The following P2RX5 variants were observed in gnomAD, a reference collection of about 807,000 sequenced individuals.
The protein encoded by P2RX5 is P2X purinoceptor 5.
Under a neutral mutation model 54.1 loss-of-function variants are expected in P2RX5, and 46 were observed. That is an observed-to-expected ratio of 0.85 (90% CI 0.67 to 1.09). The LOEUF (loss-of-function observed/expected upper bound fraction) is 1.09, where lower values mean the gene tolerates loss of function less well. Among genes scored for constraint, P2RX5 ranks in the 50% least tolerant of loss-of-function variants. The probability of loss-of-function intolerance (pLI) is 0.00; values close to 1 mark genes in which losing one functional copy is unlikely to be tolerated. For synonymous variants in P2RX5, 226 were observed against 226.4 expected (o/e 1.00, Z 0.02); for missense variants, 566 against 549.8 (o/e 1.03, Z -0.29).
intron 11 of P2RX5, among the ~76,000 whole-genome samples, chr17:3,674,798 A>G (rs899547785): frequency 6.6e-6 from 1 of 152,162 alleles, no homozygotes; most frequent in East Asian, 1.9e-4. Context: ...CTCATAGGTC[A>G]CTTCCTTGGG....
chr17:3,708,641 C>T, the P2RX5 span, among the ~76,000 whole-genome samples: 3 of 152,152 alleles, frequency 2.0e-5, no homozygotes, highest in Non-Finnish European at 4.4e-5. Flanking sequence ...GAAAGCACTT[C>T]GGCACTGCAG....
intron 9 of P2RX5, chr17:3,685,541 C>T (rs757850996): frequency 3.8e-5 from 6 of 156,876 alleles, no homozygotes; most frequent in South Asian, 1.7e-4. Context: ...ACCCCAGAGC[C>T]CACGTTGATG....
At chr17:3,699,095 C>CACACACACACACA (rs60173844), upstream of P2RX5, among the ~76,000 whole-genome samples, 2,337 of 100,088 alleles carry the variant, frequency 0.023, 78 homozygotes, top group Non-Finnish European at 0.03. Context: ...ACACACACAC[C>CACACACACACACA]TATATATATA....
At chr17:3,680,666 AGGCCACCACCCTGCTTCCTCCATCCTGGG>A (rs760542262) in intron 10 of P2RX5, among the ~76,000 whole-genome samples, 83 of 59,976 alleles carry the variant, frequency 1.4e-3, no homozygotes, top group African/African-American at 2.4e-3. Flanking sequence ...TCCACCCTGC[AGGCCACCACCCTGCTTCCTCCATCCTGGG>A]TCCTCCACCC....
At chr17:3,718,888 A>G in the P2RX5 span, among the ~76,000 whole-genome samples, 20,311 of 151,982 alleles carry the variant, frequency 0.13, 4,541 homozygotes, top group African/African-American at 0.46. Flanking sequence ...GGGCACTTCT[A>G]TTTCTTCCGT....
intron 1 of P2RX5, among the ~76,000 whole-genome samples, chr17:3,692,233 C>T (rs1471745791): frequency 2.0e-5 from 3 of 151,740 alleles, no homozygotes; most frequent in African/African-American, 7.3e-5. Flanking sequence ...AGGAGAATGG[C>T]GTGAACCCGG....
At chr17:3,689,897 CGCACACAT>C (rs1181595943) in intron 6 of P2RX5, among the ~76,000 whole-genome samples, 165 bp downstream of exon 6, 21 of 152,150 alleles carry the variant, frequency 1.4e-4, no homozygotes, top group East Asian at 5.8e-4. Flanking sequence ...CACAAACGCA[CGCACACAT>C]GCACACAGAC....
Position 3,691,696 on chromosome 17 carries a change from G to A in P2RX5, c.236C>T (p.Ser79Leu), listed in dbSNP as rs142264131. ...ATCCCAGATCCGCTGCCCAAGATCC[G>A]AGGTGTTGGTGAAGGCCACGCCCTT... Reference protein sequence around the residue: ...KVKGVAFTNTSDLGQRIWDVA... With the variant: ...KVKGVAFTNTLDLGQRIWDVA... The change falls in exon 2 of 12, where the codon TCG (serine) becomes TTG (leucine). Residue 79 changes from serine to leucine, a missense_variant. By Grantham distance (145) the Ser-to-Leu change is moderately radical (BLOSUM62 -2). Coordinates refer to ENST00000225328, the MANE Select transcript of P2RX5 (RefSeq NM_002561.4). The A allele has an allele frequency of 1.5e-3, 2,367 of 1,614,216 alleles. 1 individual carries two copies. Among genetic ancestry groups the A allele is most frequent in the Non-Finnish European group, 1.9e-3 (2,291 of 1,180,036 alleles).
chr17:3,677,919 G>T (rs1181377429), intron 11 of P2RX5: 1 of 985,236 alleles, frequency 1.0e-6, no homozygotes, highest in Non-Finnish European at 1.2e-6. Flanking sequence ...TCCTCACTCA[G>T]CAAAAAGCTT....
the P2RX5 span, among the ~76,000 whole-genome samples, chr17:3,719,128 C>G: frequency 6.7e-6 from 1 of 149,604 alleles, no homozygotes; most frequent in Admixed American, 6.7e-5. Context: ...CCCAGCTACT[C>G]GGGAGGCTGA....
intron 6 of P2RX5, 31 bp downstream of exon 6, chr17:3,690,039 C>A: frequency 6.2e-7 from 1 of 1,600,118 alleles, no homozygotes; most frequent in Non-Finnish European, 8.6e-7. Context: ...CCAAGGCCCA[C>A]CCGTGGCCCC....
upstream of P2RX5, among the ~76,000 whole-genome samples, chr17:3,697,134 T>C (rs1047850262): frequency 3.4e-4 from 8 of 23,692 alleles, no homozygotes; most frequent in Non-Finnish European, 5.8e-4. Context: ...TCAGGGCGGA[T>C]GGTGCGGGGG....
rs548835358 is a variant in P2RX5 at position 3,681,887 on chromosome 17, G to T, written c.1064+9C>A. 1 of 1,603,664 alleles carries T rather than the reference G, an allele frequency of 6.2e-7. No homozygotes were observed. The highest frequency in any genetic ancestry group is 1.1e-5 in the South Asian group (1 of 90,830). ...GCCCTCGGGCCGCCGGCCTGGAAGC[G>T]GAACTGACCTCACTTCCTCGTACTT... On this transcript the variant is annotated intron_variant, in intron 10 of 11. Coordinates refer to ENST00000225328, the MANE Select transcript of P2RX5 (RefSeq NM_002561.4).
Position 3,695,261 on chromosome 17 carries a change from G to C in P2RX5, c.137+608C>G, listed in dbSNP as rs560985350. On this transcript the variant is annotated intron_variant, in intron 1 of 11. Coordinates refer to ENST00000225328, the MANE Select transcript of P2RX5 (RefSeq NM_002561.4). ...GGCTTTGTGGCGCCAGCTCCTGCCAGGTGGCATGAGGATGGGGGAAGGGGA... is the reference window on the plus strand; with the variant it reads ...GGCTTTGTGGCGCCAGCTCCTGCCACGTGGCATGAGGATGGGGGAAGGGGA... Among the ~76,000 whole-genome samples the C allele has an allele frequency of 7.6e-3, 1,165 of 152,288 alleles. 20 individuals are homozygous for C. The highest frequency in any genetic ancestry group is 0.027 in the African/African-American group (1,108 of 41,558).
chr17:3,689,618 C>T lies in P2RX5; in HGVS notation c.627G>A (p.Met209Ile). Reference protein sequence around the residue: ...PKFNFSKSNVMDVKDRSFLKS... With the variant: ...PKFNFSKSNVIDVKDRSFLKS... Reference sequence around the variant, plus strand: ...TCAGGAAAGATCTGTCCTTGACGTCCATCACATTGCTTCTGGGTGGAGGCC... The same window carrying T: ...TCAGGAAAGATCTGTCCTTGACGTCTATCACATTGCTTCTGGGTGGAGGCC... Residue 209 changes from methionine (M) to isoleucine (I), a missense_variant, in exon 7 of 12, where the codon ATG becomes ATA. Coordinates refer to ENST00000225328, the MANE Select transcript of P2RX5 (RefSeq NM_002561.4). 1 of 1,614,172 alleles carries T rather than the reference C, an allele frequency of 6.2e-7. No homozygotes were observed. Among genetic ancestry groups the T allele is most frequent in the Non-Finnish European group, 8.5e-7 (1 of 1,180,032 alleles).
chr17:3,695,601 A>G (rs2050735238), intron 1 of P2RX5, among the ~76,000 whole-genome samples: 1 of 152,252 alleles, frequency 6.6e-6, no homozygotes, highest in Non-Finnish European at 1.5e-5. Flanking sequence ...GCTGCAGGGA[A>G]AGCCTGATAA....
the P2RX5 span, among the ~76,000 whole-genome samples, chr17:3,713,708 C>T: frequency 6.6e-6 from 1 of 151,020 alleles, no homozygotes; most frequent in Non-Finnish European, 1.5e-5. Flanking sequence ...CAAGATCACA[C>T]CATTGCACAC....
chr17:3,698,986 G>A (rs762187341), upstream of P2RX5, among the ~76,000 whole-genome samples: 3 of 151,438 alleles, frequency 2.0e-5, no homozygotes, highest in East Asian at 1.9e-4. Flanking sequence ...CAGCAGAACC[G>A]CTTGAGCCCA....
chr17:3,680,084 A>G (rs2050204663), intron 10 of P2RX5, among the ~76,000 whole-genome samples: 1 of 146,452 alleles, frequency 6.8e-6, no homozygotes, highest in African/African-American at 2.6e-5. Flanking sequence ...GGCTTCCTCC[A>G]TCCTACGTCC....
Sources: allele counts gnomAD v4.1 joint callset (sites outside exome capture counted in the v4.1 genomes callset), GRCh38; gene constraint gnomAD v4.1.1; transcripts MANE v1.5; gene names NCBI Gene and HGNC (gene_info 2026-07-23, HGNC 2026-07-21).